The following MAN1C1 variants were observed in gnomAD, a reference collection of about 807,000 sequenced individuals.
MAN1C1 encodes the protein mannosyl-oligosaccharide 1,2-alpha-mannosidase IC.
A neutral mutation model predicts 71.5 loss-of-function variants in MAN1C1; 49 were observed. The ratio of observed to expected loss-of-function variants is 0.69; its 90% CI spans 0.54 to 0.87. MAN1C1 has a LOEUF of 0.87. MAN1C1 is among the 40% of genes least tolerant of loss of function. The pLI, the probability that MAN1C1 is intolerant of heterozygous loss-of-function variation, is 0.00. For missense variants in MAN1C1, 743 were observed against 835.0 expected (o/e 0.89, Z 1.36); for synonymous variants, 352 against 343.7 (o/e 1.02, Z -0.27).
rs1354340699 is a variant in MAN1C1 at position 25,753,088 on chromosome 1, C to T, written c.835-396C>T. 6.6e-6 allele frequency among the ~76,000 whole-genome samples: 1 copy of T among 152,176 alleles called. No homozygotes were observed. The highest frequency in any genetic ancestry group is 6.5e-5 in the Admixed American group (1 of 15,282). ...CGGCCCGTCTCTGCCAGGTCTTCAT[C>T]TGGACTTGGAGGTGCCCCCCACCCC... On this transcript the variant is annotated intron_variant, in intron 4 of 11. Coordinates refer to ENST00000374332, the MANE Select transcript of MAN1C1 (RefSeq NM_020379.4). The surrounding 1 kb of genome is among the most constrained non-coding windows in gnomAD (Gnocchi z 4.9).
intron 6 of MAN1C1, among the ~76,000 whole-genome samples, chr1:25,762,974 G>A (rs2047379981): frequency 6.6e-6 from 1 of 151,770 alleles, no homozygotes; most frequent in Admixed American, 6.6e-5. Context: ...ACCTTTAAAA[G>A]AACCCTCCCT....
Position 25,780,992 on chromosome 1 carries a change from G to A in MAN1C1, c.1530G>A (p.Val510=), listed in dbSNP as rs2047685744. ...GGTTTAACTCCGGCAGAGAGGCCGT[G>A]GCCACCCAGCTGAGCGAGAGCTACT... The part of the protein sequence containing the change: ...AFWFNSGREA[V]ATQLSESYYI... The change falls in exon 10 of 12, where the codon GTG becomes GTA. Residue 510 remains valine (V), a synonymous_variant. Coordinates refer to ENST00000374332, the MANE Select transcript of MAN1C1 (RefSeq NM_020379.4). 1.9e-6 allele frequency: 3 copies of A among 1,614,064 alleles called. No homozygotes were observed. Among genetic ancestry groups the A allele is most frequent in the Non-Finnish European group, 2.5e-6 (3 of 1,180,032 alleles).
At chr1:25,689,290 C>A (rs770277785) in intron 2 of MAN1C1, among the ~76,000 whole-genome samples, 95 of 152,280 alleles carry the variant, frequency 6.2e-4, no homozygotes, top group Non-Finnish European at 9.7e-4. Context: ...CTGACATGGG[C>A]AGTCCTTACG....
chr1:25,696,361 G>A (rs1461427597), intron 2 of MAN1C1, among the ~76,000 whole-genome samples: 3 of 151,204 alleles, frequency 2.0e-5, no homozygotes, highest in Non-Finnish European at 4.4e-5. Context: ...GGGACTACCT[G>A]AGGTCAGACA....
chr1:25,630,055 G>GT (rs1423603474), intron 1 of MAN1C1, among the ~76,000 whole-genome samples: 24 of 151,980 alleles, frequency 1.6e-4, no homozygotes, highest in Admixed American at 5.2e-4. Flanking sequence ...CTCATCCTGA[G>GT]TTTTTTTTGT....
intron 1 of MAN1C1, among the ~76,000 whole-genome samples, chr1:25,683,280 GA>G (rs921672383): frequency 2.2e-4 from 34 of 152,166 alleles, no homozygotes; most frequent in African/African-American, 7.7e-4. Flanking sequence ...CTTCCCTTGA[GA>G]CACACACTTG....
chr1:25,738,428 A>G (rs1487143026), intron 2 of MAN1C1, among the ~76,000 whole-genome samples: 2 of 152,228 alleles, frequency 1.3e-5, no homozygotes, highest in East Asian at 3.8e-4. Context: ...TCATCTTCCT[A>G]AAAAACCCAT....
At chr1:25,643,068 C>T (rs145832325) in intron 1 of MAN1C1, among the ~76,000 whole-genome samples, 231 of 152,166 alleles carry the variant, frequency 1.5e-3, no homozygotes, top group African/African-American at 5.2e-3. Flanking sequence ...TTTAATTAGA[C>T]GCTGAGACAT....
intron 2 of MAN1C1, among the ~76,000 whole-genome samples, chr1:25,697,511 C>T (rs1301703949): frequency 1.3e-5 from 2 of 152,346 alleles, no homozygotes; most frequent in East Asian, 3.9e-4. Context: ...CTGATACGAA[C>T]ATTCATGTAT....
Position 25,775,071 on chromosome 1 carries a change from G to A in MAN1C1, c.1258-3034G>A, listed in dbSNP as rs946292920. Among the ~76,000 whole-genome samples, 9 of 152,216 alleles carry A rather than the reference G, an allele frequency of 5.9e-5. No individual in the cohort carries two copies. The highest frequency in any genetic ancestry group is 4.1e-4 in the South Asian group (2 of 4,836). On this transcript the variant is annotated intron_variant, in intron 8 of 11. Coordinates refer to ENST00000374332, the MANE Select transcript of MAN1C1 (RefSeq NM_020379.4). This position sits in a 1 kb window ranked among gnomAD's most constrained non-coding sequence, Gnocchi z 5.1. ...CCAGTGGAAATAATGTGTGGGAGGC[G>A]GTCTGGAAGGTGCAGGTGCCAGGTC...
Position 25,782,800 on chromosome 1 carries a change from C to A in MAN1C1, c.1766+100C>A. 3.3e-6 allele frequency: 3 copies of A among 910,422 alleles called. No homozygotes were observed. Among genetic ancestry groups the A allele is most frequent in the Non-Finnish European group, 3.5e-6 (2 of 570,244 alleles). The allele number at this position is 910,422 out of a possible 1,614,324, so 56.4% of individuals were successfully genotyped here. Reference sequence around the variant, plus strand: ...ACAGTCAGGTTCTGTGGTCACAGGACGGGAGCCCAAAAGGGGTGAAGGGCT... The same window carrying A: ...ACAGTCAGGTTCTGTGGTCACAGGAAGGGAGCCCAAAAGGGGTGAAGGGCT... On this transcript the variant is annotated intron_variant, in intron 11 of 11. Transcript: ENST00000374332. The surrounding 1 kb of genome is among the most constrained non-coding windows in gnomAD (Gnocchi z 4.4).
intron 1 of MAN1C1, among the ~76,000 whole-genome samples, chr1:25,666,655 G>A (rs2045928882): frequency 6.6e-6 from 1 of 152,210 alleles, no homozygotes; most frequent in Admixed American, 6.5e-5. Flanking sequence ...ATCGTTTTAT[G>A]TAATAGATTC....
At chr1:25,732,326 G>A (rs2046920329) in intron 2 of MAN1C1, among the ~76,000 whole-genome samples, 1 of 152,168 alleles carries the variant, frequency 6.6e-6, no homozygotes, top group Non-Finnish European at 1.5e-5. Flanking sequence ...AAGTTGTGCA[G>A]GAATGGAATG....
intron 1 of MAN1C1, among the ~76,000 whole-genome samples, chr1:25,674,075 A>G (rs546865855): frequency 3.9e-5 from 6 of 152,312 alleles, no homozygotes; most frequent in African/African-American, 7.2e-5. Flanking sequence ...ACCTGTCCCA[A>G]TGCAGTGGCT....
Position 25,746,820 on chromosome 1 carries a change from G to GGCCGCCC in MAN1C1, c.753+40_753+41insGCCCGCC. 2 of 965,722 alleles carry GGCCGCCC rather than the reference G, an allele frequency of 2.1e-6. No homozygotes were observed. Among genetic ancestry groups the GGCCGCCC allele is most frequent in the African/African-American group, 1.6e-5 (1 of 61,156 alleles). 59.8% of individuals were successfully genotyped at this position (965,722 alleles called of 1,614,324 possible). ...GCCCTCGGCGGGGGAGGGGGGCGGGGGCCAGAAGAGGCCCAACAGCCAGCT... is the reference window on the plus strand; with the variant it reads ...GCCCTCGGCGGGGGAGGGGGGCGGGGGCCGCCCGCCAGAAGAGGCCCAACAGCCAGCT... On this transcript the variant is annotated intron_variant, in intron 3 of 11. Coordinates refer to ENST00000374332, the MANE Select transcript of MAN1C1 (RefSeq NM_020379.4). The surrounding 1 kb of genome is among the most constrained non-coding windows in gnomAD (Gnocchi z 4.0).
At chr1:25,619,321 T>G (rs975844582) in intron 1 of MAN1C1, among the ~76,000 whole-genome samples, 1 of 152,144 alleles carries the variant, frequency 6.6e-6, no homozygotes, top group African/African-American at 2.4e-5. Flanking sequence ...CCCCTCCCCA[T>G]GGACTCAAAG....
At position 25,779,103 on chromosome 1, in the gene MAN1C1, G is replaced by A. The variant is rs1449053182; in HGVS notation, c.1477+779G>A. On this transcript the variant is annotated intron_variant, in intron 9 of 11. Transcript: ENST00000374332. This position sits in a 1 kb window ranked among gnomAD's most constrained non-coding sequence, Gnocchi z 4.6. Reference sequence around the variant, plus strand: ...CAGCCCCCGTGTGGTCCCAGGAGACGCCCACCGCTCTGAGTGGTAATCCCA... The same window carrying A: ...CAGCCCCCGTGTGGTCCCAGGAGACACCCACCGCTCTGAGTGGTAATCCCA... Among the ~76,000 whole-genome samples the A allele has an allele frequency of 3.9e-5, 6 of 152,156 alleles. No homozygotes were observed. The highest frequency in any genetic ancestry group is 4.8e-5 in the African/African-American group (2 of 41,430).
intron 1 of MAN1C1, among the ~76,000 whole-genome samples, chr1:25,625,833 A>AT (rs374230644): frequency 1.1e-4 from 17 of 152,328 alleles, no homozygotes; most frequent in African/African-American, 3.8e-4. Context: ...AGAAAAAAAA[A>AT]GTACAAAATA....
intron 4 of MAN1C1, among the ~76,000 whole-genome samples, chr1:25,752,116 T>G (rs1012605759): frequency 2.0e-5 from 3 of 151,956 alleles, no homozygotes; most frequent in African/African-American, 7.3e-5. Flanking sequence ...CGAGAGCCAG[T>G]GCCCATGGGA....
Sources: gnomAD v4.1 joint callset for allele counts (sites outside exome capture counted in the v4.1 genomes callset) on GRCh38, gnomAD v4.1.1 for gene constraint, Gnocchi (gnomAD v3.1) non-coding constraint, MANE v1.5 for transcripts, NCBI Gene and HGNC (gene_info 2026-07-23, HGNC 2026-07-21) for gene names.